XRRA1: variants seen among roughly 807,000 people sequenced by gnomAD.
XRRA1 encodes the protein X-ray radiation resistance associated 1.
In XRRA1, 69 loss-of-function variants were observed where a neutral mutation model predicts 80.2. The observed-to-expected ratio is 0.86, with a 90% CI of 0.71 to 1.05. The LOEUF (loss-of-function observed/expected upper bound fraction) is 1.05. Among genes scored for constraint, XRRA1 ranks in the 50% least tolerant of loss-of-function variants. The probability of loss-of-function intolerance (pLI) is 0.00; values close to 1 mark genes in which losing one functional copy is unlikely to be tolerated. For synonymous variants in XRRA1, 348 were observed against 389.9 expected, an observed-to-expected ratio of 0.89 and a Z score of 1.27; for missense variants, 967 against 976.4, an observed-to-expected ratio of 0.99 and a Z score of 0.13.
At chr11:74,911,472 G>A (rs1389903632) in intron 8 of XRRA1, 1 of 152,202 alleles carries the variant, frequency 6.6e-6, no homozygotes, top group Non-Finnish European at 1.5e-5. Flanking sequence ...ACATGAAAGT[G>A]CAGGGTGGGG....
chr11:74,859,740 T>TG lies in XRRA1; in HGVS notation c.1045-458dup, dbSNP rs1464469698. 5.9e-5 allele frequency among the ~76,000 whole-genome samples: 9 copies of TG among 152,158 alleles called. No homozygotes were observed. In the East Asian group the frequency reaches 1.4e-3, roughly 23 times the overall value. ...AGGGAGAGGGAGGTGTTTTGAGCCTTGAACACCTGCTCTGATGGGCTAGCC... is the reference window on the plus strand; with the variant it reads ...AGGGAGAGGGAGGTGTTTTGAGCCTTGGAACACCTGCTCTGATGGGCTAGCC... On this transcript the variant is annotated intron_variant, in intron 11 of 18. Transcript: ENST00000684022.
At chr11:74,890,376 A>G (rs1406867769) in intron 10 of XRRA1, among the ~76,000 whole-genome samples, 1 of 152,242 alleles carries the variant, frequency 6.6e-6, no homozygotes, top group Non-Finnish European at 1.5e-5. Flanking sequence ...ACAACATACC[A>G]GAATCCCTGG....
At chr11:74,866,404 C>A in intron 10 of XRRA1, among the ~76,000 whole-genome samples, 1 of 151,956 alleles carries the variant, frequency 6.6e-6, no homozygotes, top group Non-Finnish European at 1.5e-5. Context: ...CAGGCATGCA[C>A]CACCATGCCT....
At position 74,927,367 on chromosome 11, in the gene XRRA1, A is replaced by C. The variant is rs1942511900; in HGVS notation, c.522+24T>G. On this transcript the variant is annotated intron_variant, in intron 7 of 18. Coordinates refer to ENST00000684022, the MANE Select transcript of XRRA1 (RefSeq NM_001378157.1). The stretch of plus-strand genomic sequence containing the variant: ...CTTACAGGGGAACTTGGTGGGCACC[A>C]AAAACTCCCTACCTCCAACTTACTT... 3 of 1,481,988 alleles carry C rather than the reference A, an allele frequency of 2.0e-6. No homozygotes were observed. The East Asian group carries it at 6.8e-5, about 34-fold the overall frequency. 91.8% of individuals were successfully genotyped at this position (1,481,988 alleles called of 1,614,324 possible).
At chr11:74,882,285 C>T (rs1325085514) in intron 10 of XRRA1, among the ~76,000 whole-genome samples, 1 of 151,776 alleles carries the variant, frequency 6.6e-6, no homozygotes, top group Non-Finnish European at 1.5e-5. Flanking sequence ...GATACCCTTT[C>T]TTCCAGTTGA....
chr11:74,905,251 C>T (rs527753105), intron 10 of XRRA1, among the ~76,000 whole-genome samples: 1 of 152,156 alleles, frequency 6.6e-6, no homozygotes, highest in African/African-American at 2.4e-5. Flanking sequence ...TCATCCAGGC[C>T]AGAGGGCAGT....
intron 7 of XRRA1, among the ~76,000 whole-genome samples, chr11:74,925,268 C>G (rs1381187932): frequency 1.3e-5 from 2 of 152,186 alleles, no homozygotes; most frequent in African/African-American, 4.8e-5. Flanking sequence ...CCAGCTGAAC[C>G]TTCTTCAGAT....
chr11:74,943,993 C>T (rs1316395268), intron 2 of XRRA1, among the ~76,000 whole-genome samples: 1 of 151,932 alleles, frequency 6.6e-6, no homozygotes, highest in Non-Finnish European at 1.5e-5. Context: ...GGCTAATTTT[C>T]GTATTTTTTG....
chr11:74,886,028 CCT>C (rs1229119065), intron 10 of XRRA1, among the ~76,000 whole-genome samples: 1 of 152,150 alleles, frequency 6.6e-6, no homozygotes, highest in Non-Finnish European at 1.5e-5. Flanking sequence ...CATGTTTAAA[CCT>C]CTCAATAAAC....
chr11:74,888,383 A>C (rs181416557), intron 10 of XRRA1, among the ~76,000 whole-genome samples: 2,243 of 152,262 alleles, frequency 0.015, 33 homozygotes, highest in South Asian at 0.038. Flanking sequence ...AAGGAAAACT[A>C]ACAGAAAGGA....
rs749998374 is a variant in XRRA1, at chr11:74,848,290, AG to A, written c.1552del (p.Leu518TrpfsTer32). On this transcript the variant is annotated frameshift_variant, in exon 15 of 19. Transcript: ENST00000684022. LOFTEE classifies it high-confidence loss of function. ...CCGGCAAGACGGGGAATGGCCTTCC[AG>A]GTTCTCAGTGGGCATCTCTGACTCC... ...SVESEMPTEN[L>X]EGHSPSCRTF... The A allele has an allele frequency of 6.2e-7, 1 of 1,613,382 alleles. No homozygotes were observed. Among genetic ancestry groups the A allele is most frequent in the African/African-American group, 1.3e-5 (1 of 74,880 alleles).
At chr11:74,885,968 G>A (rs1173182189) in intron 10 of XRRA1, among the ~76,000 whole-genome samples, 1 of 152,140 alleles carries the variant, frequency 6.6e-6, no homozygotes, top group Non-Finnish European at 1.5e-5. Context: ...AAAACCACAT[G>A]ATCATCTTAA....
chr11:74,888,201 C>T (rs1174087610), intron 10 of XRRA1, among the ~76,000 whole-genome samples: 1 of 152,100 alleles, frequency 6.6e-6, no homozygotes, highest in Admixed American at 6.5e-5. Flanking sequence ...CCTCACATGG[C>T]CAGGTACTCC....
At chr11:74,877,465 TTTTTA>T (rs913770130) in intron 10 of XRRA1, among the ~76,000 whole-genome samples, 8 of 152,124 alleles carry the variant, frequency 5.3e-5, no homozygotes, top group Admixed American at 2.6e-4. Flanking sequence ...TTTTTTTTAT[TTTTTA>T]TTTTATTATA....
chr11:74,919,653 C>T (rs1940021287), intron 8 of XRRA1: 6 of 552,336 alleles, frequency 1.1e-5, no homozygotes, highest in Admixed American at 2.1e-5. Flanking sequence ...GGTGGTGACC[C>T]GAGAATACAC....
chr11:74,906,707 G>C (rs916878638), intron 9 of XRRA1: 1 of 535,056 alleles, frequency 1.9e-6, no homozygotes, highest in Non-Finnish European at 3.3e-6. Context: ...GCACAAAGTA[G>C]TATTCAGTAA....
intron 8 of XRRA1, among the ~76,000 whole-genome samples, chr11:74,914,288 C>T (rs1937760612): frequency 6.8e-6 from 1 of 147,274 alleles, no homozygotes; most frequent in East Asian, 1.9e-4. Flanking sequence ...GCCCATCCCC[C>T]TTTTAAATTT....
At position 74,847,455 on chromosome 11, in the gene XRRA1, G is replaced by A. The variant is rs141802808; in HGVS notation, c.1728+660C>T. Among the ~76,000 whole-genome samples, 24 of 152,276 alleles carry A rather than the reference G, an allele frequency of 1.6e-4. 1 individual carries two copies. Among genetic ancestry groups the A allele is most frequent in the Non-Finnish European group, 7.4e-5 (5 of 68,024 alleles). On this transcript the variant is annotated intron_variant, in intron 15 of 18. Transcript: ENST00000684022. ...GCTGCACTGACACTAAACATTTGTG[G>A]TTTCTGCATGTACCATTTTAATTTC...
At chr11:74,872,123 CTTA>C (rs2044932738) in intron 10 of XRRA1, among the ~76,000 whole-genome samples, 2 of 152,184 alleles carry the variant, frequency 1.3e-5, no homozygotes, top group Admixed American at 1.3e-4. Flanking sequence ...AAAGGAAACA[CTTA>C]TTAATGTGCA....
Sources: gnomAD v4.1 joint callset for allele counts (sites outside exome capture counted in the v4.1 genomes callset) on GRCh38, gnomAD v4.1.1 for gene constraint, MANE v1.5 for transcripts, NCBI Gene and HGNC (gene_info 2026-07-23, HGNC 2026-07-21) for gene names.